The following KCNH8 variants were observed in gnomAD, a reference collection of about 807,000 sequenced individuals.
The protein encoded by KCNH8 is voltage-gated delayed rectifier potassium channel KCNH8.
In KCNH8, 70 loss-of-function variants were observed where a neutral mutation model predicts 103.6. The ratio of observed to expected loss-of-function variants is 0.68; its 90% CI spans 0.56 to 0.82. The LOEUF is 0.82. Among genes scored for constraint, KCNH8 ranks in the 40% least tolerant of loss-of-function variants. The probability of loss-of-function intolerance (pLI) is 0.00; values close to 1 mark genes in which losing one functional copy is unlikely to be tolerated. For synonymous variants in KCNH8, 498 were observed against 489.4 expected (o/e 1.02, Z -0.23); for missense variants, 1,217 against 1,329.9 (o/e 0.92, Z 1.32).
intron 2 of KCNH8, among the ~76,000 whole-genome samples, chr3:19,280,416 C>T (rs1051977465): frequency 3.3e-5 from 5 of 152,168 alleles, no homozygotes; most frequent in South Asian, 2.1e-4. Context: ...GACCTGAATG[C>T]CTTTCTAATC....
chr3:19,326,377 AT>A (rs1341495610), intron 3 of KCNH8, among the ~76,000 whole-genome samples: 44 of 147,554 alleles, frequency 3.0e-4, no homozygotes, highest in African/African-American at 6.2e-4. Flanking sequence ...ATATATATAT[AT>A]ATATAATAAA....
chr3:19,170,964 A>G (rs559733333), intron 1 of KCNH8, among the ~76,000 whole-genome samples: 2 of 151,924 alleles, frequency 1.3e-5, no homozygotes, highest in Admixed American at 1.3e-4. Flanking sequence ...GGCATCCGCC[A>G]CTGCGCCCGG....
rs148741916 is a variant in KCNH8, at chr3:19,157,073, T to C, written c.76+8278T>C. ...CCAAATGAATCTTTTATTCCAGTTA[T>C]TGAACTAAAGGGAACAGAGACCAGA... On this transcript the variant is annotated intron_variant, in intron 1 of 15. Transcript: ENST00000328405. Among the ~76,000 whole-genome samples, 6 of 152,110 alleles carry C rather than the reference T, an allele frequency of 3.9e-5. No individual in the cohort carries two copies. The East Asian group carries it at 1.2e-3, about 29-fold the overall frequency.
At chr3:19,334,090 G>A (rs145778220) in intron 3 of KCNH8, among the ~76,000 whole-genome samples, 27 of 152,272 alleles carry the variant, frequency 1.8e-4, no homozygotes, top group African/African-American at 3.4e-4. Flanking sequence ...GAGTTGTCTC[G>A]AATTGGGCAG....
At chr3:19,155,161 T>C (rs899588118) in intron 1 of KCNH8, among the ~76,000 whole-genome samples, 23 of 152,244 alleles carry the variant, frequency 1.5e-4, no homozygotes, top group Non-Finnish European at 3.1e-4. Flanking sequence ...TAATCTTTTC[T>C]AGCCTTTGAA....
chr3:19,438,345 C>T lies in KCNH8; in HGVS notation c.1359C>T (p.Cys453=), dbSNP rs534263623. ...ATGCAGAAAAGATCTTCTCCATCTG[C>T]ACCATGCTGATTGGTGGTAAGAGAG... is the stretch of plus-strand genomic sequence containing the variant. The part of the protein sequence containing the change: ...NTDAEKIFSI[C]TMLIGALMHA... The change falls in exon 8 of 16, where the codon TGC becomes TGT. Residue 453 remains cysteine, a synonymous_variant. Coordinates refer to ENST00000328405, the MANE Select transcript of KCNH8 (RefSeq NM_144633.3). 1.2e-6 allele frequency: 2 copies of T among 1,613,708 alleles called. No homozygotes were observed. The highest frequency in any genetic ancestry group is 1.1e-5 in the South Asian group (1 of 91,060).
intron 11 of KCNH8, among the ~76,000 whole-genome samples, chr3:19,490,771 T>C (rs903124117): frequency 6.6e-6 from 1 of 152,020 alleles, no homozygotes; most frequent in East Asian, 1.9e-4. Context: ...AGTGAGAGAG[T>C]TGGACTAATT....
chr3:19,361,098 G>A (rs1321150743), intron 5 of KCNH8, among the ~76,000 whole-genome samples: 2 of 152,020 alleles, frequency 1.3e-5, no homozygotes, highest in Non-Finnish European at 2.9e-5. Flanking sequence ...CCTATATGTA[G>A]TATTCTAACA....
chr3:19,474,410 GC>G (rs2067927948), intron 11 of KCNH8, among the ~76,000 whole-genome samples: 1 of 152,122 alleles, frequency 6.6e-6, no homozygotes, highest in Admixed American at 6.5e-5. Flanking sequence ...TTTAAACCCA[GC>G]ATGCCAGGAT....
intron 11 of KCNH8, among the ~76,000 whole-genome samples, chr3:19,491,672 T>G (rs1023647035): frequency 6.6e-6 from 1 of 152,222 alleles, no homozygotes; most frequent in Non-Finnish European, 1.5e-5. Context: ...TTCTTTTTGA[T>G]GTAGTGATCT....
chr3:19,223,491 G>A (rs972337590), intron 1 of KCNH8, among the ~76,000 whole-genome samples: 4 of 151,858 alleles, frequency 2.6e-5, no homozygotes, highest in African/African-American at 4.8e-5. Flanking sequence ...TCATTCCAAC[G>A]GTTTTCCTCT....
intron 5 of KCNH8, among the ~76,000 whole-genome samples, chr3:19,388,278 A>C (rs546883575): frequency 1.3e-5 from 2 of 152,298 alleles, no homozygotes; most frequent in South Asian, 4.1e-4. Flanking sequence ...TAAGTGATTC[A>C]CCTGTGCTTC....
chr3:19,257,974 T>C (rs2064367951), intron 2 of KCNH8, among the ~76,000 whole-genome samples: 1 of 152,062 alleles, frequency 6.6e-6, no homozygotes, highest in African/African-American at 2.4e-5. Flanking sequence ...CACCCAGATC[T>C]CTGCCTTCAT....
chr3:19,151,361 T>C lies in KCNH8; in HGVS notation c.76+2566T>C, dbSNP rs531171954. ...TGAATAATGTTAATTATACTGAATA[T>C]GTAATATGCTGAGTTGGTATAATTT... is the stretch of plus-strand genomic sequence containing the variant. On this transcript the variant is annotated intron_variant, in intron 1 of 15. Transcript: ENST00000328405. Among the ~76,000 whole-genome samples the C allele has an allele frequency of 1.5e-3, 232 of 152,274 alleles. 3 individuals carry two copies. The highest frequency in any genetic ancestry group is 4.9e-3 in the African/African-American group (203 of 41,556).
chr3:19,475,319 T>G (rs965534539), intron 11 of KCNH8, among the ~76,000 whole-genome samples: 13 of 152,216 alleles, frequency 8.5e-5, no homozygotes, highest in Non-Finnish European at 1.3e-4. Context: ...TTCTGTCTAT[T>G]CAGAAGTTAT....
chr3:19,238,004 C>T (rs558406407), intron 1 of KCNH8, among the ~76,000 whole-genome samples: 1 of 152,244 alleles, frequency 6.6e-6, no homozygotes, highest in African/African-American at 2.4e-5. Context: ...AAATAAAGAT[C>T]TTCAGAATTC....
At chr3:19,523,076 T>C (rs2069000815) in intron 15 of KCNH8, among the ~76,000 whole-genome samples, 1 of 151,804 alleles carries the variant, frequency 6.6e-6, no homozygotes, top group African/African-American at 2.4e-5. Context: ...ATTAGCACGT[T>C]GTTAACTTTA....
chr3:19,280,258 A>G (rs1003797700), intron 2 of KCNH8, among the ~76,000 whole-genome samples: 25 of 152,120 alleles, frequency 1.6e-4, no homozygotes, highest in African/African-American at 5.1e-4. Flanking sequence ...CAAAAATTGA[A>G]TGGAATTTGA....
intron 5 of KCNH8, among the ~76,000 whole-genome samples, chr3:19,370,023 C>T (rs866133211): frequency 1.3e-5 from 2 of 151,922 alleles, no homozygotes; most frequent in Non-Finnish European, 1.5e-5. Context: ...TGCTTAAATC[C>T]CTTCCATCAC....
Sources: gnomAD v4.1 joint callset for allele counts (sites outside exome capture counted in the v4.1 genomes callset) on GRCh38, gnomAD v4.1.1 for gene constraint, MANE v1.5 for transcripts, NCBI Gene and HGNC (gene_info 2026-07-23, HGNC 2026-07-21) for gene names.